WDFY2: variants seen among roughly 807,000 people sequenced by gnomAD.
WDFY2 encodes WD repeat and FYVE domain-containing protein 2.
In WDFY2, 36 loss-of-function variants were observed where a neutral mutation model predicts 56.4. The observed-to-expected ratio is 0.64, with a 90% CI of 0.49 to 0.84. WDFY2 has a LOEUF of 0.84. Among genes scored for constraint, WDFY2 ranks in the 40% least tolerant of loss-of-function variants. The pLI is 0.00. For synonymous variants in WDFY2, 176 were observed against 183.7 expected (o/e 0.96, Z 0.34); for missense variants, 444 against 512.2 (o/e 0.87, Z 1.29).
At chr13:51,732,481 C>T (rs1392884226) in intron 6 of WDFY2, among the ~76,000 whole-genome samples, 1 of 152,122 alleles carries the variant, frequency 6.6e-6, no homozygotes, top group Non-Finnish European at 1.5e-5. Context: ...TCTTTTATTT[C>T]TAAGAAATTA....
intron 1 of WDFY2, among the ~76,000 whole-genome samples, chr13:51,659,014 C>T (rs1012902038): frequency 2.0e-5 from 3 of 152,112 alleles, no homozygotes; most frequent in African/African-American, 7.2e-5. Context: ...GCAACCTCTC[C>T]CTCCCAGGTT....
chr13:51,636,184 A>G (rs1208188795), intron 1 of WDFY2, among the ~76,000 whole-genome samples: 2 of 152,190 alleles, frequency 1.3e-5, no homozygotes, highest in Non-Finnish European at 2.9e-5. Context: ...TTTCAGGTCA[A>G]TGAGTCTGTT....
chr13:51,701,155 G>A (rs887835992), intron 3 of WDFY2, among the ~76,000 whole-genome samples: 8 of 152,140 alleles, frequency 5.3e-5, no homozygotes, highest in East Asian at 1.9e-4. Context: ...TTGAGAAATG[G>A]TATCACAAGG....
At chr13:51,647,037 A>G (rs1015165806) in intron 1 of WDFY2, among the ~76,000 whole-genome samples, 1 of 152,324 alleles carries the variant, frequency 6.6e-6, no homozygotes, top group African/African-American at 2.4e-5. Flanking sequence ...CTGTTTACAT[A>G]CCATTTACAT....
intron 2 of WDFY2, among the ~76,000 whole-genome samples, chr13:51,667,569 T>C (rs1202281247): frequency 1.3e-5 from 2 of 152,140 alleles, no homozygotes; most frequent in Non-Finnish European, 1.5e-5. Flanking sequence ...TTTTATAAGG[T>C]GGTGATTGTT....
chr13:51,720,256 A>T (rs1040478056), intron 5 of WDFY2, among the ~76,000 whole-genome samples: 1 of 152,230 alleles, frequency 6.6e-6, no homozygotes, highest in African/African-American at 2.4e-5. Flanking sequence ...ACTGTGCGGC[A>T]TTCAAAGGTA....
intron 1 of WDFY2, among the ~76,000 whole-genome samples, chr13:51,635,185 C>A (rs1251904419): frequency 6.6e-6 from 1 of 152,128 alleles, no homozygotes; most frequent in Non-Finnish European, 1.5e-5. Flanking sequence ...CTTCAGTGAT[C>A]TGCCCATCTC....
intron 4 of WDFY2, 83 bp from the exon 5 acceptor site, chr13:51,719,115 A>G (rs1452008712): frequency 6.3e-7 from 1 of 1,579,996 alleles, no homozygotes; most frequent in Non-Finnish European, 8.6e-7. Context: ...TGGGGAGAAG[A>G]GAATGGTGCA....
rs758462170 is a variant in WDFY2, at chr13:51,751,504, A to T, written c.831+89A>T. The T allele has an allele frequency of 4.9e-6, 6 of 1,233,172 alleles. No individual in the cohort carries two copies. In the South Asian group the frequency reaches 7.4e-5, roughly 15 times the overall value. The allele number at this position is 1,233,172 out of a possible 1,614,324, so 76.4% of individuals were successfully genotyped here. ...TTCTTATTTCTTTTATGATTAAACC[A>T]TGAAATAAGGCATGTAACGTTAAAG... On this transcript the variant is annotated intron_variant, in intron 8 of 11. Coordinates refer to ENST00000298125, the MANE Select transcript of WDFY2 (RefSeq NM_052950.4).
intron 1 of WDFY2, among the ~76,000 whole-genome samples, chr13:51,652,903 G>A (rs1955423886): frequency 1.3e-5 from 2 of 152,174 alleles, no homozygotes; most frequent in African/African-American, 4.8e-5. Context: ...TCGTCTCGAG[G>A]AGTATCTTTG....
In WDFY2 at chr13:51,764,097, T is replaced by C. The variant is rs1434963218; in HGVS notation, c.*4328T>C. On this transcript the variant is annotated 3_prime_UTR_variant, in exon 12 of 12. Coordinates refer to ENST00000298125, the MANE Select transcript of WDFY2 (RefSeq NM_052950.4). ...GAAGACAGATATTTATTAACTTGAT[T>C]GGAAAACACAGAAATTAAGATCATG... The C allele has an allele frequency of 1.3e-5, 2 of 152,238 alleles. No individual in the cohort carries two copies. Among genetic ancestry groups the C allele is most frequent in the East Asian group, 1.9e-4 (1 of 5,204 alleles). The allele number at this position is 152,238 out of a possible 1,614,324, so 9.4% of individuals were successfully genotyped here. A position where few individuals can be genotyped will look rare whatever the true frequency, so the allele number is the denominator to read the frequency against.
chr13:51,738,812 T>C (rs1952898820), intron 6 of WDFY2, among the ~76,000 whole-genome samples: 2 of 152,230 alleles, frequency 1.3e-5, no homozygotes, highest in Non-Finnish European at 2.9e-5. Context: ...TATTTTCTTT[T>C]GGTCTTTACA....
At chr13:51,644,941 A>T (rs924739133) in intron 1 of WDFY2, among the ~76,000 whole-genome samples, 4 of 152,230 alleles carry the variant, frequency 2.6e-5, no homozygotes, top group Non-Finnish European at 5.9e-5. Flanking sequence ...GAAACAAAAG[A>T]TACACAGTGC....
chr13:51,755,294 G>A, intron 8 of WDFY2, 64 bp from the exon 9 acceptor site: 2 of 1,468,612 alleles, frequency 1.4e-6, no homozygotes, highest in South Asian at 1.1e-5. Context: ...TTTCATCAGG[G>A]TCAGTGGTTT....
At chr13:51,594,709 C>T (rs1295142506) in intron 1 of WDFY2, among the ~76,000 whole-genome samples, 1 of 152,224 alleles carries the variant, frequency 6.6e-6, no homozygotes, top group African/African-American at 2.4e-5. Flanking sequence ...CTTTCCAAAG[C>T]CTTAGGATTT....
intron 1 of WDFY2, among the ~76,000 whole-genome samples, chr13:51,623,790 T>C (rs1246223756): frequency 5.3e-5 from 8 of 152,160 alleles, no homozygotes; most frequent in Admixed American, 5.2e-4. Flanking sequence ...TTCCTGTCCT[T>C]CTAATTTTGT....
intron 8 of WDFY2, among the ~76,000 whole-genome samples, chr13:51,754,096 A>C (rs1374958267): frequency 6.6e-6 from 1 of 151,800 alleles, no homozygotes; most frequent in African/African-American, 2.4e-5. Flanking sequence ...GTCTCAAAAA[A>C]AAAAAAAAAA....
At chr13:51,754,361 C>T (rs539798518) in intron 8 of WDFY2, among the ~76,000 whole-genome samples, 1 of 152,290 alleles carries the variant, frequency 6.6e-6, no homozygotes, top group Admixed American at 6.5e-5. Flanking sequence ...CTGTATGAGA[C>T]TCAGGGCCAT....
intron 5 of WDFY2, among the ~76,000 whole-genome samples, chr13:51,724,345 C>T (rs1168508380): frequency 1.4e-5 from 2 of 146,774 alleles, no homozygotes; most frequent in African/African-American, 5.1e-5. Context: ...TCAAGCGATT[C>T]TCCTGCCTCA....
Sources: gnomAD v4.1 joint callset for allele counts (sites outside exome capture counted in the v4.1 genomes callset) on GRCh38, gnomAD v4.1.1 for gene constraint, MANE v1.5 for transcripts, NCBI Gene and HGNC (gene_info 2026-07-23, HGNC 2026-07-21) for gene names.